Variants in CAST observed in about 807,000 individuals in gnomAD.
The protein encoded by CAST is calpastatin, also known as MIR583 host.
Under a neutral mutation model 119.6 loss-of-function variants are expected in CAST, and 76 were observed. The ratio of observed to expected loss-of-function variants is 0.64; its 90% CI spans 0.53 to 0.77. CAST has a LOEUF of 0.77. Ranked by LOEUF, CAST falls within the 30% of genes least tolerant of loss-of-function variation. The pLI is 0.00. For missense variants in CAST, 953 were observed against 946.5 expected, an observed-to-expected ratio of 1.01 and a Z score of -0.09; for synonymous variants, 319 against 331.6, an observed-to-expected ratio of 0.96 and a Z score of 0.41.
At chr5:96,741,190 A>C in intron 13 of CAST, 76 bp from the exon 14 acceptor site, 1 of 807,946 alleles carries the variant, frequency 1.2e-6, no homozygotes, top group Non-Finnish European at 2.1e-6. Context: ...TGCATTCTTC[A>C]TTTGCTAGGT....
At chr5:95,978,994 T>C in the CAST span, among the ~76,000 whole-genome samples, 1 of 152,264 alleles carries the variant, frequency 6.6e-6, no homozygotes, top group South Asian at 2.1e-4. Context: ...ATCACTCCTG[T>C]CAGTGAACTG....
At chr5:96,288,677 A>G in the CAST span, among the ~76,000 whole-genome samples, 4 of 152,204 alleles carry the variant, frequency 2.6e-5, no homozygotes, top group South Asian at 8.3e-4. Context: ...TGTTGCAAGA[A>G]CAAGTAAAGT....
At chr5:96,325,462 TTTTA>T in the CAST span, among the ~76,000 whole-genome samples, 1 of 150,856 alleles carries the variant, frequency 6.6e-6, no homozygotes, top group Non-Finnish European at 1.5e-5. Flanking sequence ...TCTTTTATTT[TTTTA>T]TTTATTTATT....
the CAST span, among the ~76,000 whole-genome samples, chr5:96,311,178 T>C: frequency 4.6e-5 from 7 of 152,120 alleles, no homozygotes; most frequent in Non-Finnish European, 8.8e-5. Flanking sequence ...TTAATTTCTT[T>C]GTTGATTCAT....
At chr5:96,561,638 C>T (rs1207053494) in intron 1 of CAST, among the ~76,000 whole-genome samples, 1 of 151,806 alleles carries the variant, frequency 6.6e-6, no homozygotes, top group Non-Finnish European at 1.5e-5. Flanking sequence ...GTGCAGCAAA[C>T]CACCATGGCA....
the CAST span, among the ~76,000 whole-genome samples, chr5:96,120,663 C>A: frequency 2.0e-5 from 3 of 147,216 alleles, no homozygotes; most frequent in Non-Finnish European, 4.5e-5. Flanking sequence ...ATATAATATA[C>A]ATATATAATA....
chr5:96,726,725 T>C, intron 4 of CAST, 69 bp from the exon 5 acceptor site: 1 of 1,067,962 alleles, frequency 9.4e-7, no homozygotes. Context: ...TTTAACCCTT[T>C]TTGTACATGT....
intron 2 of CAST, among the ~76,000 whole-genome samples, chr5:96,695,019 A>G (rs1561481129): frequency 6.6e-6 from 1 of 152,202 alleles, no homozygotes; most frequent in African/African-American, 2.4e-5. Flanking sequence ...ATTTCATCCT[A>G]TGGCTCTCCC....
chr5:96,141,789 C>G, the CAST span, among the ~76,000 whole-genome samples: 1 of 152,180 alleles, frequency 6.6e-6, no homozygotes, highest in Non-Finnish European at 1.5e-5. Flanking sequence ...GCTCTGTTCT[C>G]TTACTTACAA....
At chr5:96,356,731 GT>G in the CAST span, among the ~76,000 whole-genome samples, 1 of 152,112 alleles carries the variant, frequency 6.6e-6, no homozygotes, top group Non-Finnish European at 1.5e-5. Flanking sequence ...TTTTATTACT[GT>G]AGCCTTGTAG....
the CAST span, among the ~76,000 whole-genome samples, chr5:96,463,262 A>G: frequency 6.6e-6 from 1 of 152,120 alleles, no homozygotes; most frequent in South Asian, 2.1e-4. Context: ...CTCTTGTGTA[A>G]TACATTGATG....
At chr5:96,210,814 CA>C in the CAST span, among the ~76,000 whole-genome samples, 4 of 151,974 alleles carry the variant, frequency 2.6e-5, no homozygotes, top group Admixed American at 2.0e-4. Flanking sequence ...TCATTAAATA[CA>C]GCCTGTCTCT....
At chr5:96,607,063 CG>C (rs1747271540) in intron 1 of CAST, among the ~76,000 whole-genome samples, 3 of 152,168 alleles carry the variant, frequency 2.0e-5, no homozygotes, top group Admixed American at 1.3e-4. Flanking sequence ...CCGAGGCGGG[CG>C]GATCACGAGG....
At chr5:96,264,714 G>A in the CAST span, among the ~76,000 whole-genome samples, 24 of 152,284 alleles carry the variant, frequency 1.6e-4, no homozygotes, top group African/African-American at 2.9e-4. Flanking sequence ...TTGCACCTTC[G>A]TGACATAAAT....
chr5:96,408,669 C>T, the CAST span, among the ~76,000 whole-genome samples: 3 of 152,176 alleles, frequency 2.0e-5, no homozygotes, highest in Non-Finnish European at 4.4e-5. Flanking sequence ...CATTAATCAT[C>T]GGGTCCATTG....
At chr5:96,427,186 A>G in the CAST span, among the ~76,000 whole-genome samples, 3 of 152,228 alleles carry the variant, frequency 2.0e-5, no homozygotes, top group Non-Finnish European at 2.9e-5. Context: ...CCATCAAAAA[A>G]GAGCAATAAA....
chr5:96,101,310 T>C, the CAST span, among the ~76,000 whole-genome samples: 1 of 152,230 alleles, frequency 6.6e-6, no homozygotes, highest in Non-Finnish European at 1.5e-5. Context: ...TATGGAAGGC[T>C]GACTATAATA....
the CAST span, among the ~76,000 whole-genome samples, chr5:96,093,506 G>T: frequency 6.6e-6 from 1 of 152,220 alleles, no homozygotes; most frequent in Non-Finnish European, 1.5e-5. Flanking sequence ...AAGCCAGTCT[G>T]ACTGGAAAAT....
chr5:96,425,043 AG>A, the CAST span, among the ~76,000 whole-genome samples: 7,693 of 140,842 alleles, frequency 0.055, 354 homozygotes, highest in East Asian at 0.15. Context: ...AAAGAAAGAA[AG>A]AAAGAAAGAA....
Sources: gnomAD v4.1 joint callset for allele counts (sites outside exome capture counted in the v4.1 genomes callset) on GRCh38, gnomAD v4.1.1 for gene constraint, MANE v1.5 for transcripts, NCBI Gene and HGNC (gene_info 2026-07-23, HGNC 2026-07-21) for gene names.